EPB41L4A: variants seen among roughly 807,000 people sequenced by gnomAD.
EPB41L4A encodes band 4.1-like protein 4A.
EPB41L4A carries 100 observed loss-of-function variants against 108.6 expected under a neutral mutation model. That is an observed-to-expected ratio of 0.92 (90% CI 0.78 to 1.09). EPB41L4A has a LOEUF of 1.09. EPB41L4A is among the 50% of genes least tolerant of loss of function. The probability of loss-of-function intolerance (pLI) is 0.00; values close to 1 mark genes in which losing one functional copy is unlikely to be tolerated. For synonymous variants in EPB41L4A, 319 were observed against 289.0 expected, an observed-to-expected ratio of 1.10 and a Z score of -1.05; for missense variants, 1,030 against 842.7, an observed-to-expected ratio of 1.22 and a Z score of -2.75.
At chr5:112,274,840 T>C (rs560600845) in intron 4 of EPB41L4A, among the ~76,000 whole-genome samples, 19 of 152,336 alleles carry the variant, frequency 1.2e-4, no homozygotes, top group African/African-American at 4.1e-4. Flanking sequence ...CATTAAAACA[T>C]TGGTTTCCAT....
intron 1 of EPB41L4A, among the ~76,000 whole-genome samples, chr5:112,388,353 G>A (rs955615232): frequency 2.0e-5 from 3 of 152,104 alleles, no homozygotes; most frequent in African/African-American, 7.2e-5. Flanking sequence ...GAAACAGATC[G>A]GCAGACCTAC....
At chr5:112,293,246 C>A (rs924255006) in intron 2 of EPB41L4A, among the ~76,000 whole-genome samples, 3 of 151,514 alleles carry the variant, frequency 2.0e-5, no homozygotes, top group Non-Finnish European at 4.4e-5. Context: ...TTCAGGGATA[C>A]AGGTACAGGT....
chr5:112,389,975 C>T (rs1760824430), intron 1 of EPB41L4A, among the ~76,000 whole-genome samples: 1 of 152,102 alleles, frequency 6.6e-6, no homozygotes, highest in South Asian at 2.1e-4. Flanking sequence ...TCTACCAATG[C>T]CAAACTTCCA....
intron 5 of EPB41L4A, 25 bp from the exon 6 acceptor site, chr5:112,265,041 T>C: frequency 6.5e-7 from 1 of 1,536,592 alleles, no homozygotes; most frequent in Non-Finnish European, 8.7e-7. Flanking sequence ...TAACATAGTT[T>C]TTTCCATTTT....
intron 1 of EPB41L4A, among the ~76,000 whole-genome samples, chr5:112,406,786 C>CA (rs1762098285): frequency 6.6e-6 from 1 of 151,814 alleles, no homozygotes; most frequent in Non-Finnish European, 1.5e-5. Context: ...GAGTGAGCAC[C>CA]AAAAAAAGAA....
intron 2 of EPB41L4A, among the ~76,000 whole-genome samples, chr5:112,298,195 T>C (rs1754132068): frequency 6.6e-6 from 1 of 152,176 alleles, no homozygotes; most frequent in South Asian, 2.1e-4. Flanking sequence ...GAAATTGTAA[T>C]GAATTTATAG....
chr5:112,262,839 A>G (rs1751589558), intron 6 of EPB41L4A, among the ~76,000 whole-genome samples: 1 of 152,192 alleles, frequency 6.6e-6, no homozygotes, highest in Non-Finnish European at 1.5e-5. Flanking sequence ...GCATATATTA[A>G]AAATTCTCAG....
intron 9 of EPB41L4A, among the ~76,000 whole-genome samples, chr5:112,258,270 T>A (rs1033792753): frequency 7.9e-5 from 12 of 152,184 alleles, no homozygotes; most frequent in Non-Finnish European, 1.3e-4. Context: ...ACTTATGAAG[T>A]ACCTACTACA....
chr5:112,152,093 A>G (rs1300984807), intron 12 of EPB41L4A, among the ~76,000 whole-genome samples: 1 of 152,144 alleles, frequency 6.6e-6, no homozygotes, highest in Non-Finnish European at 1.5e-5. Context: ...GAAAAACTAT[A>G]ATTTGGCTAC....
chr5:112,243,290 T>TATATCTATGTATATATACACAC (rs1561504644), intron 9 of EPB41L4A, among the ~76,000 whole-genome samples: 1 of 76,020 alleles, frequency 1.3e-5, no homozygotes, highest in African/African-American at 4.1e-5. Flanking sequence ...TATATATATA[T>TATATCTATGTATATATACACAC]ATTTTGTTTG....
chr5:112,245,118 A>AC lies in EPB41L4A; in HGVS notation c.796-4309_796-4308insG, dbSNP rs531648379. Among the ~76,000 whole-genome samples the AC allele has an allele frequency of 1.6e-4, 25 of 152,258 alleles. No individual in the cohort carries two copies. In the East Asian group the frequency reaches 4.8e-3, roughly 29 times the overall value. ...ATAAAGTGAAGTGCAAAAAAAAAAAAAAGATATGCCTGTAATTCTAATTTT... is the reference window on the plus strand; with the variant it reads ...ATAAAGTGAAGTGCAAAAAAAAAAAACAAGATATGCCTGTAATTCTAATTTT... On this transcript the variant is annotated intron_variant, in intron 9 of 22. Coordinates refer to ENST00000261486, the MANE Select transcript of EPB41L4A (RefSeq NM_022140.5).
Position 112,215,746 on chromosome 5 carries a change from G to C in EPB41L4A, c.1088-5764C>G, listed in dbSNP as rs188905944. ...CCACTGCATTCCAGCCTGGGCGACA[G>C]AGTGAGACTCCATCTCAAAAAAAAA... On this transcript the variant is annotated intron_variant, in intron 12 of 22. Coordinates refer to ENST00000261486, the MANE Select transcript of EPB41L4A (RefSeq NM_022140.5). Among the ~76,000 whole-genome samples, 181 of 126,376 alleles carry C rather than the reference G, an allele frequency of 1.4e-3. 4 individuals carry two copies. The East Asian group carries it at 0.037, about 26-fold the overall frequency. The allele number at this position is 126,376 out of a possible 152,430, so 82.9% of individuals were successfully genotyped here.
intron 2 of EPB41L4A, among the ~76,000 whole-genome samples, chr5:112,281,572 T>C (rs1169065090): frequency 6.6e-6 from 1 of 152,182 alleles, no homozygotes; most frequent in African/African-American, 2.4e-5. Flanking sequence ...TCAGTTTCCA[T>C]TTCCTCGTGC....
At position 112,150,773 on chromosome 5, in the gene EPB41L4A, C is replaced by T. The variant is rs74604721; in HGVS notation, n.995-4775G>A. ...GGCATATTCATTTTATATATTCACT[C>T]TTATTATAGGAAGTAATAGTTTCAA... is the stretch of plus-strand genomic sequence containing the variant. On this transcript the variant is annotated intron_variant and non_coding_transcript_variant, in intron 12 of 13. Transcript: ENST00000507810. Among the ~76,000 whole-genome samples, 1,271 of 152,282 alleles carry T rather than the reference C, an allele frequency of 8.3e-3. 16 individuals are homozygous for T. Among genetic ancestry groups the T allele is most frequent in the African/African-American group, 0.029 (1,196 of 41,546 alleles).
intron 1 of EPB41L4A, among the ~76,000 whole-genome samples, chr5:112,384,460 T>A (rs964940625): frequency 6.8e-6 from 1 of 147,966 alleles, no homozygotes; most frequent in Non-Finnish European, 1.5e-5. Context: ...AACTTCACTA[T>A]TTTTTTTTTA....
chr5:112,383,015 A>G (rs1297447723), intron 1 of EPB41L4A, among the ~76,000 whole-genome samples: 3 of 152,252 alleles, frequency 2.0e-5, no homozygotes, highest in African/African-American at 7.2e-5. Context: ...TAGAAAGGAA[A>G]GACCAAGGCA....
rs533921624 is a variant in EPB41L4A at position 112,152,815 on chromosome 5, C to T, written n.994+5586G>A. ...GTGAAATCATGAAGAAAAAAATTCT[C>T]GAAGCAAAAAAAATTACCAGATTCA... On this transcript the variant is annotated intron_variant and non_coding_transcript_variant, in intron 12 of 13. Coordinates refer to the EPB41L4A transcript ENST00000507810. Among the ~76,000 whole-genome samples the T allele has an allele frequency of 4.7e-4, 71 of 151,550 alleles. 1 individual carries two copies. The highest frequency in any genetic ancestry group is 1.7e-3 in the African/African-American group (69 of 41,278).
intron 18 of EPB41L4A, among the ~76,000 whole-genome samples, chr5:112,181,899 C>T (rs1761175922): frequency 6.6e-6 from 1 of 151,946 alleles, no homozygotes; most frequent in South Asian, 2.1e-4. Context: ...ATGGTGAAAC[C>T]CCATCTCTAC....
At chr5:112,267,154 G>A (rs771183241) in intron 4 of EPB41L4A, among the ~76,000 whole-genome samples, 9 of 152,154 alleles carry the variant, frequency 5.9e-5, no homozygotes, top group Non-Finnish European at 1.3e-4. Context: ...AGGGGCCAGA[G>A]GTTTATGAAC....
Sources: gnomAD v4.1 joint callset for allele counts (sites outside exome capture counted in the v4.1 genomes callset) on GRCh38, gnomAD v4.1.1 for gene constraint, MANE v1.5 for transcripts, NCBI Gene and HGNC (gene_info 2026-07-23, HGNC 2026-07-21) for gene names.